The following HEPHL1 variants were observed in gnomAD, a reference collection of about 807,000 sequenced individuals.
HEPHL1 encodes the protein hephaestin like 1.
Under a neutral mutation model 122.0 loss-of-function variants are expected in HEPHL1, and 123 were observed. The ratio of observed to expected loss-of-function variants is 1.01; its 90% CI spans 0.87 to 1.17. The LOEUF is 1.17. HEPHL1 is among the 50% of genes most tolerant of loss of function. The probability of loss-of-function intolerance (pLI) is 0.00; values close to 1 mark genes in which losing one functional copy is unlikely to be tolerated. For missense variants in HEPHL1, 1,452 were observed against 1,430.5 expected (o/e 1.01, Z -0.24); for synonymous variants, 527 against 508.9 (o/e 1.04, Z -0.48).
intron 2 of HEPHL1, among the ~76,000 whole-genome samples, chr11:94,057,286 A>G (rs933810323): frequency 1.7e-4 from 26 of 152,034 alleles, no homozygotes; most frequent in African/African-American, 5.3e-4. Flanking sequence ...TTTGATGTGT[A>G]GGTTAATGTT....
At position 94,098,633 on chromosome 11, in the gene HEPHL1, G is replaced by T. The variant is rs149467798; in HGVS notation, c.2435-2562G>T. On this transcript the variant is annotated intron_variant, in intron 13 of 19. Coordinates refer to ENST00000315765, the MANE Select transcript of HEPHL1 (RefSeq NM_001098672.2). ...TTTCCAACTTGATTCCATTCTCCTC[G>T]TCACTTTCAGGTACACCAGTCAGAC... 3.5e-3 allele frequency among the ~76,000 whole-genome samples: 538 copies of T among 152,192 alleles called. 5 individuals carry two copies. The highest frequency in any genetic ancestry group is 0.013 in the African/African-American group (523 of 41,522).
At chr11:94,055,212 G>T in intron 2 of HEPHL1, 1 of 267,036 alleles carries the variant, frequency 3.7e-6, no homozygotes, top group South Asian at 4.3e-5. Flanking sequence ...CAGAGATGAT[G>T]GCCACCTTTT....
rs746311439 is a variant in HEPHL1, at chr11:94,111,826, T to C, written c.3412T>C (p.Cys1138Arg). Residue 1138 changes from cysteine (C) to arginine (R), a missense_variant, in exon 20 of 20, where the codon TGC becomes CGC. Transcript: ENST00000315765. ...CACGGTGATTCTCTCCCTCAGACTC[T>C]GCTCTGCAATGAAGCAGACAGATTA... ...ITTVILSLRL[C>R]SAMKQTDYQQ... 1 of 1,548,670 alleles carries C rather than the reference T, an allele frequency of 6.5e-7. No individual in the cohort carries two copies. The highest frequency in any genetic ancestry group is 8.7e-7 in the Non-Finnish European group (1 of 1,150,236).
intron 5 of HEPHL1, among the ~76,000 whole-genome samples, chr11:94,069,866 A>G (rs1208285048): frequency 2.0e-5 from 3 of 152,192 alleles, no homozygotes. Context: ...AGCTATGGAC[A>G]TACATTGCCA....
intron 1 of HEPHL1, among the ~76,000 whole-genome samples, chr11:94,029,252 G>A (rs541902512): frequency 6.6e-6 from 1 of 152,318 alleles, no homozygotes; most frequent in African/African-American, 2.4e-5. Context: ...AGAAGTCCTG[G>A]GACAAGGAGG....
At chr11:94,085,891 G>A in intron 10 of HEPHL1, 86 bp from the exon 11 acceptor site, 1 of 947,182 alleles carries the variant, frequency 1.1e-6, no homozygotes, top group Non-Finnish European at 1.7e-6. Flanking sequence ...TGAAAACAAG[G>A]ATCTTTTGTA....
chr11:94,091,112 C>T (rs2134444696), intron 12 of HEPHL1, among the ~76,000 whole-genome samples: 1 of 152,312 alleles, frequency 6.6e-6, no homozygotes, highest in South Asian at 2.1e-4. Flanking sequence ...TAAACCACTG[C>T]CTATTGAGCA....
At chr11:94,039,280 T>C (rs1945752986) in intron 1 of HEPHL1, among the ~76,000 whole-genome samples, 1 of 150,058 alleles carries the variant, frequency 6.7e-6, no homozygotes, top group Non-Finnish European at 1.5e-5. Flanking sequence ...TGGGAGACTT[T>C]AACACCTCAC....
chr11:94,067,717 A>T lies in HEPHL1; in HGVS notation c.1030A>T (p.Met344Leu). Reference sequence around the variant, plus strand: ...GATAGCCGAGAATCCTGGGAAGTGGATGATAACCTGCCAGGTCAGCGACCA... The same window carrying T: ...GATAGCCGAGAATCCTGGGAAGTGGTTGATAACCTGCCAGGTCAGCGACCA... ...EMIAENPGKW[M>L]ITCQVSDHLQ... Residue 344 changes from methionine (M) to leucine (L), a missense_variant, in exon 5 of 20, where the codon ATG becomes TTG. Coordinates refer to ENST00000315765, the MANE Select transcript of HEPHL1 (RefSeq NM_001098672.2). 1 of 1,613,742 alleles carries T rather than the reference A, an allele frequency of 6.2e-7. No homozygotes were observed. The highest frequency in any genetic ancestry group is 8.5e-7 in the Non-Finnish European group (1 of 1,179,726).
intron 6 of HEPHL1, 41 bp from the exon 7 acceptor site, chr11:94,072,984 T>C (rs1293800188): frequency 6.4e-7 from 1 of 1,573,854 alleles, no homozygotes; most frequent in Admixed American, 1.8e-5. Context: ...TTGGTGGATA[T>C]GTTGAGAAGT....
rs564902093 is a variant in HEPHL1 at position 94,102,308 on chromosome 11, A to G, written c.2576-606A>G. Among the ~76,000 whole-genome samples the G allele has an allele frequency of 7.2e-5, 11 of 152,394 alleles. No individual in the cohort carries two copies. In the Middle Eastern group the frequency reaches 0.014, roughly 188 times the overall value. ...TGACCAACCCACTTTACAGATAAGG[A>G]TACTAAAGGTTAGTGACATTAGGTA... is the stretch of plus-strand genomic sequence containing the variant. On this transcript the variant is annotated intron_variant, in intron 14 of 19. Transcript: ENST00000315765.
At chr11:94,049,952 C>T (rs570733292) in intron 2 of HEPHL1, among the ~76,000 whole-genome samples, 5 of 152,138 alleles carry the variant, frequency 3.3e-5, no homozygotes, top group Non-Finnish European at 5.9e-5. Flanking sequence ...CATTTAAAAA[C>T]AAATGGCCAT....
In HEPHL1 at chr11:94,105,973, T is replaced by C; in HGVS notation, c.2906-18T>C. The C allele has an allele frequency of 6.5e-7, 1 of 1,531,328 alleles. No individual in the cohort carries two copies. The allele number at this position is 1,531,328 out of a possible 1,614,324, so 94.9% of individuals were successfully genotyped here. A position where few individuals can be genotyped will look rare whatever the true frequency, so the allele number is the denominator to read the frequency against. ...TCTTTTAACTAACCAAAGGTTATTT[T>C]CTTATCACCTTTTAAAGCCATTAAT... is the stretch of plus-strand genomic sequence containing the variant. On this transcript the variant is annotated intron_variant, in intron 16 of 19. Coordinates refer to ENST00000315765, the MANE Select transcript of HEPHL1 (RefSeq NM_001098672.2).
At chr11:94,055,193 C>A in intron 2 of HEPHL1, 1 of 252,902 alleles carries the variant, frequency 4.0e-6, no homozygotes. Flanking sequence ...GCCTTGGAGA[C>A]TCCCTTGGCA....
At position 94,088,790 on chromosome 11, in the gene HEPHL1, C is replaced by G. The variant is rs751837261; in HGVS notation, c.2116C>G (p.Leu706Val). ...FRVFCATMPHLSRGMGQIYEV... is the reference protein window; with the variant it reads ...FRVFCATMPHVSRGMGQIYEV... Reference sequence around the variant, plus strand: ...GGTGTTTTGTGCCACCATGCCCCACCTCTCGAGAGGCATGGGTCAGATCTA... The same window carrying G: ...GGTGTTTTGTGCCACCATGCCCCACGTCTCGAGAGGCATGGGTCAGATCTA... Residue 706 changes from leucine (L) to valine (V), a missense_variant, in exon 12 of 20, where the codon CTC becomes GTC. Leu to Val is a conservative substitution (Grantham distance 32). Transcript: ENST00000315765. The G allele has an allele frequency of 6.2e-7, 1 of 1,613,922 alleles. No individual in the cohort carries two copies. The highest frequency in any genetic ancestry group is 8.5e-7 in the Non-Finnish European group (1 of 1,179,842).
chr11:94,107,195 A>G (rs753638932), intron 17 of HEPHL1, among the ~76,000 whole-genome samples: 40 of 152,192 alleles, frequency 2.6e-4, no homozygotes, highest in Non-Finnish European at 4.8e-4. Flanking sequence ...ATAAACGGTA[A>G]CTTTAATAAA....
chr11:94,080,969 C>T (rs1436793547), intron 9 of HEPHL1, among the ~76,000 whole-genome samples: 4 of 152,162 alleles, frequency 2.6e-5, no homozygotes, highest in Non-Finnish European at 5.9e-5. Flanking sequence ...ATAAATCATT[C>T]TATCACAAAG....
In HEPHL1 at chr11:94,075,404, C is replaced by T; in HGVS notation, c.1716+19C>T. 6.3e-7 allele frequency: 1 copy of T among 1,588,210 alleles called. No homozygotes were observed. Among genetic ancestry groups the T allele is most frequent in the East Asian group, 2.2e-5 (1 of 44,518 alleles). ...GACACAGGTAGGCCATTGAGTGTCA[C>T]CAGTTCTTCTCAGGGTTGTATGTGG... On this transcript the variant is annotated intron_variant, in intron 9 of 19. Coordinates refer to ENST00000315765, the MANE Select transcript of HEPHL1 (RefSeq NM_001098672.2).
intron 13 of HEPHL1, among the ~76,000 whole-genome samples, chr11:94,094,267 C>G (rs1417118458): frequency 6.6e-6 from 1 of 151,528 alleles, no homozygotes; most frequent in African/African-American, 2.4e-5. Flanking sequence ...TTTGTCCTTG[C>G]GATAGTTTGC....
Sources: allele counts gnomAD v4.1 joint callset (sites outside exome capture counted in the v4.1 genomes callset), GRCh38; gene constraint gnomAD v4.1.1; transcripts MANE v1.5; gene names NCBI Gene and HGNC (gene_info 2026-07-23, HGNC 2026-07-21).